CD38: variants seen among roughly 807,000 people sequenced by gnomAD.
CD38 encodes the protein ADP-ribosyl cyclase/cyclic ADP-ribose hydrolase 1.
Under a neutral mutation model 36.3 loss-of-function variants are expected in CD38, and 31 were observed. That is an observed-to-expected ratio of 0.85 (90% CI 0.64 to 1.15). The LOEUF is 1.15. Ranked by LOEUF, CD38 falls within the 50% of genes most tolerant of loss-of-function variation. CD38 has a pLI of 0.00. For synonymous variants in CD38, 131 were observed against 135.2 expected, an observed-to-expected ratio of 0.97 and a Z score of 0.22; for missense variants, 380 against 371.9, an observed-to-expected ratio of 1.02 and a Z score of -0.18.
intron 1 of CD38, among the ~76,000 whole-genome samples, chr4:15,780,373 G>A (rs540647403): frequency 1.4e-4 from 22 of 152,268 alleles, no homozygotes; most frequent in Admixed American, 2.6e-4. Context: ...CTCAGTATCA[G>A]TGAGTCTAAG....
intron 1 of CD38, among the ~76,000 whole-genome samples, chr4:15,798,415 C>T (rs1723146129): frequency 6.6e-6 from 1 of 152,220 alleles, no homozygotes; most frequent in Non-Finnish European, 1.5e-5. Context: ...TTTCAAGTCT[C>T]TTTTCATCCC....
At chr4:15,785,046 ACT>A (rs1465292228) in intron 1 of CD38, among the ~76,000 whole-genome samples, 4 of 116,768 alleles carry the variant, frequency 3.4e-5, no homozygotes, top group African/African-American at 1.8e-4. Context: ...ACAGAGCAAG[ACT>A]CTGTCTTAAA....
At chr4:15,795,166 A>G (rs943895459) in intron 1 of CD38, among the ~76,000 whole-genome samples, 1 of 152,280 alleles carries the variant, frequency 6.6e-6, no homozygotes. Flanking sequence ...TGGATGTAAG[A>G]TGCTGAGAAA....
chr4:15,789,360 G>T (rs1300639114), intron 1 of CD38, among the ~76,000 whole-genome samples: 1 of 152,128 alleles, frequency 6.6e-6, no homozygotes, highest in African/African-American at 2.4e-5. Flanking sequence ...AGAGTGCTGT[G>T]TAGTGTTTAC....
At chr4:15,832,140 C>G (rs952521931) in intron 3 of CD38, among the ~76,000 whole-genome samples, 2 of 151,980 alleles carry the variant, frequency 1.3e-5, no homozygotes, top group Non-Finnish European at 2.9e-5. Context: ...CTACTTGATT[C>G]TTTTTAATTA....
chr4:15,819,367 T>TA (rs895160208), intron 2 of CD38, among the ~76,000 whole-genome samples: 189 of 140,124 alleles, frequency 1.3e-3, no homozygotes, highest in South Asian at 5.2e-3. Context: ...TACCCAATGT[T>TA]AAAAAAAAAA....
At chr4:15,783,301 G>T (rs991201263) in intron 1 of CD38, among the ~76,000 whole-genome samples, 12 of 152,150 alleles carry the variant, frequency 7.9e-5, no homozygotes, top group African/African-American at 2.9e-4. Flanking sequence ...AGCACCTAGG[G>T]GAAGCTGGGA....
intron 1 of CD38, among the ~76,000 whole-genome samples, chr4:15,806,852 G>A (rs930541918): frequency 2.6e-5 from 4 of 152,192 alleles, no homozygotes; most frequent in East Asian, 1.9e-4. Context: ...CTAACAGATC[G>A]AGGCTTCTCC....
intron 7 of CD38, among the ~76,000 whole-genome samples, chr4:15,848,188 G>T (rs1038948881): frequency 1.3e-5 from 2 of 152,196 alleles, no homozygotes; most frequent in Non-Finnish European, 2.9e-5. Flanking sequence ...TCTAAGGTTT[G>T]TTTCAAAGCA....
chr4:15,845,975 A>G (rs1193097822), intron 7 of CD38, among the ~76,000 whole-genome samples: 2 of 98,646 alleles, frequency 2.0e-5, no homozygotes, highest in Admixed American at 9.4e-5. Context: ...GAAAATGGCC[A>G]TACTGCCCAA....
intron 1 of CD38, among the ~76,000 whole-genome samples, chr4:15,786,831 G>A (rs1722844047): frequency 6.6e-6 from 1 of 152,196 alleles, no homozygotes; most frequent in Admixed American, 6.5e-5. Flanking sequence ...GGCAGGGAGG[G>A]TGGGGGGAGG....
intron 1 of CD38, among the ~76,000 whole-genome samples, chr4:15,803,329 CAG>C (rs1287609751): frequency 6.6e-6 from 1 of 152,176 alleles, no homozygotes; most frequent in Non-Finnish European, 1.5e-5. Flanking sequence ...AAACAATCAA[CAG>C]AGTCATGTGA....
At chr4:15,787,535 T>A (rs1299842034) in intron 1 of CD38, among the ~76,000 whole-genome samples, 2 of 152,154 alleles carry the variant, frequency 1.3e-5, no homozygotes, top group African/African-American at 4.8e-5. Flanking sequence ...CAAAGGTGAG[T>A]CCTGAGGCTT....
In CD38 at chr4:15,833,875, A is replaced by G. The variant is rs561921614; in HGVS notation, c.500-342A>G. Among the ~76,000 whole-genome samples, 5 of 152,340 alleles carry G rather than the reference A, an allele frequency of 3.3e-5. No individual in the cohort carries two copies. The East Asian group carries it at 9.6e-4, about 29-fold the overall frequency. On this transcript the variant is annotated intron_variant, in intron 3 of 7. Coordinates refer to ENST00000226279, the MANE Select transcript of CD38 (RefSeq NM_001775.4). ...AGGAAGCAGAAAAGCAGTTGGCAAA[A>G]GCAACCACTGAAGGACTGGTTTTAC...
intron 4 of CD38, among the ~76,000 whole-genome samples, chr4:15,834,712 C>A (rs1019912826): frequency 6.6e-6 from 1 of 152,166 alleles, no homozygotes; most frequent in Non-Finnish European, 1.5e-5. Context: ...TCACCAGAAC[C>A]CTGTGAAGCA....
chr4:15,782,616 TAAAC>T (rs1162934328), intron 1 of CD38, among the ~76,000 whole-genome samples: 3 of 152,194 alleles, frequency 2.0e-5, no homozygotes, highest in African/African-American at 7.2e-5. Flanking sequence ...AAAAATAACA[TAAAC>T]AAAGTTGTAA....
At chr4:15,831,699 T>C (rs768302639) in intron 3 of CD38, among the ~76,000 whole-genome samples, 1 of 152,194 alleles carries the variant, frequency 6.6e-6, no homozygotes, top group Non-Finnish European at 1.5e-5. Flanking sequence ...TTTCTCTTGC[T>C]GCTTTTAGGA....
intron 4 of CD38, among the ~76,000 whole-genome samples, chr4:15,836,108 C>G (rs1268223056): frequency 6.6e-6 from 1 of 152,164 alleles, no homozygotes; most frequent in Non-Finnish European, 1.5e-5. Flanking sequence ...GTGCATATGT[C>G]TTAGTCCATT....
chr4:15,820,604 A>G (rs187447505), intron 2 of CD38, among the ~76,000 whole-genome samples: 1 of 152,346 alleles, frequency 6.6e-6, no homozygotes, highest in East Asian at 1.9e-4. Context: ...GGTATTACAT[A>G]AGGATAAAGG....
Sources: allele counts gnomAD v4.1 joint callset (sites outside exome capture counted in the v4.1 genomes callset), GRCh38; gene constraint gnomAD v4.1.1; transcripts MANE v1.5; gene names NCBI Gene and HGNC (gene_info 2026-07-23, HGNC 2026-07-21).